The following GALNT10 variants were observed in gnomAD, a reference collection of about 807,000 sequenced individuals.
GALNT10 encodes the protein GalNAc transferase 10.
Under a neutral mutation model 75.0 loss-of-function variants are expected in GALNT10, and 41 were observed. That is an observed-to-expected ratio of 0.55 (90% CI 0.43 to 0.71). GALNT10 has a LOEUF of 0.71. GALNT10 is among the 30% of genes least tolerant of loss of function. The pLI is 0.00. For synonymous variants in GALNT10, 302 were observed against 313.0 expected, an observed-to-expected ratio of 0.96 and a Z score of 0.37; for missense variants, 727 against 818.5, an observed-to-expected ratio of 0.89 and a Z score of 1.36.
At chr5:154,213,779 G>C (rs915845593) in intron 1 of GALNT10, among the ~76,000 whole-genome samples, 1 of 152,076 alleles carries the variant, frequency 6.6e-6, no homozygotes. Context: ...CAGGGATCTT[G>C]CTATGTTGCC....
At chr5:154,264,367 T>G (rs1452705221) in intron 1 of GALNT10, among the ~76,000 whole-genome samples, 2 of 149,960 alleles carry the variant, frequency 1.3e-5, no homozygotes, top group Non-Finnish European at 3.0e-5. Flanking sequence ...GAATATGGAG[T>G]ATGTATTAGA....
intron 1 of GALNT10, among the ~76,000 whole-genome samples, chr5:154,260,633 G>T (rs567461878): frequency 2.6e-5 from 4 of 152,144 alleles, no homozygotes; most frequent in Admixed American, 6.5e-5. Flanking sequence ...CACTCTAGTT[G>T]CAGGGAATTC....
At chr5:154,387,094 A>G (rs1040739115) in intron 7 of GALNT10, 2 of 152,318 alleles carry the variant, frequency 1.3e-5, no homozygotes, top group Non-Finnish European at 2.9e-5. Flanking sequence ...CAACCTGGGA[A>G]CATGACCAGC....
intron 4 of GALNT10, chr5:154,347,046 AACT>A: frequency 2.4e-6 from 1 of 414,330 alleles, no homozygotes; most frequent in South Asian, 1.8e-5. Flanking sequence ...GAAGATCCCA[AACT>A]TAAACCATCA....
chr5:154,243,478 A>G (rs540601745), intron 1 of GALNT10, among the ~76,000 whole-genome samples: 82 of 152,298 alleles, frequency 5.4e-4, no homozygotes, highest in Middle Eastern at 3.4e-3. Flanking sequence ...AAAAGTGCCA[A>G]TATTACGTAG....
intron 1 of GALNT10, among the ~76,000 whole-genome samples, chr5:154,255,888 C>A (rs1018631161): frequency 7.1e-6 from 1 of 141,666 alleles, no homozygotes; most frequent in South Asian, 2.5e-4. Context: ...TTCCCTTCTT[C>A]CTCTCTCTCT....
chr5:154,270,696 G>A (rs1280740113), intron 1 of GALNT10, among the ~76,000 whole-genome samples: 1 of 152,148 alleles, frequency 6.6e-6, no homozygotes, highest in Non-Finnish European at 1.5e-5. Context: ...AGGGTCACTT[G>A]TGAAATTGGA....
intron 4 of GALNT10, among the ~76,000 whole-genome samples, chr5:154,368,813 G>A (rs1273671238): frequency 6.6e-6 from 1 of 152,136 alleles, no homozygotes. Context: ...ATATTTACCT[G>A]TCTATAAGTT....
In GALNT10 at chr5:154,333,789, A is replaced by T. The variant is rs1012764070; in HGVS notation, c.568+4051A>T. Among the ~76,000 whole-genome samples the T allele has an allele frequency of 4.6e-5, 7 of 152,102 alleles. No homozygotes were observed. The South Asian group carries it at 1.5e-3, about 32-fold the overall frequency. ...GCCCCCTTTTCTCAACCAATTAGGC[A>T]CCCAGCCCAGAGGAGGACTCCCACC... On this transcript the variant is annotated intron_variant, in intron 4 of 11. Transcript: ENST00000297107.
chr5:154,238,151 A>G (rs1274060115), intron 1 of GALNT10, among the ~76,000 whole-genome samples: 5 of 152,228 alleles, frequency 3.3e-5, no homozygotes, highest in African/African-American at 1.2e-4. Context: ...AACAGTTACA[A>G]CAACCCAAGG....
intron 4 of GALNT10, among the ~76,000 whole-genome samples, chr5:154,336,123 A>G (rs1754941146): frequency 6.6e-6 from 1 of 152,176 alleles, no homozygotes; most frequent in East Asian, 1.9e-4. Flanking sequence ...ACTCACAAAT[A>G]TGCACTTAAG....
intron 1 of GALNT10, among the ~76,000 whole-genome samples, chr5:154,242,580 G>A (rs891805270): frequency 3.9e-5 from 6 of 152,144 alleles, no homozygotes; most frequent in Non-Finnish European, 8.8e-5. Context: ...GGTCCCAGTG[G>A]CCAGGCAAAA....
intron 7 of GALNT10, among the ~76,000 whole-genome samples, chr5:154,390,662 C>T (rs750792900): frequency 6.6e-6 from 1 of 152,162 alleles, no homozygotes; most frequent in Non-Finnish European, 1.5e-5. Context: ...CCAGAATCAG[C>T]CTCCAAGCTC....
chr5:154,235,740 A>G (rs1753235239), intron 1 of GALNT10, among the ~76,000 whole-genome samples: 1 of 152,090 alleles, frequency 6.6e-6, no homozygotes, highest in African/African-American at 2.4e-5. Flanking sequence ...AACTTGAAAA[A>G]TTTTTGTCTA....
At chr5:154,363,263 G>T (rs1038259251) in intron 4 of GALNT10, among the ~76,000 whole-genome samples, 3 of 151,956 alleles carry the variant, frequency 2.0e-5, no homozygotes, top group African/African-American at 7.3e-5. Context: ...TCACTCAGAT[G>T]TTACATTCTG....
intron 3 of GALNT10, among the ~76,000 whole-genome samples, chr5:154,316,095 G>T (rs180680287): frequency 8.3e-4 from 126 of 152,258 alleles, no homozygotes; most frequent in African/African-American, 2.8e-3. Context: ...TTATTAGTGG[G>T]AGTTTTTAGT....
intron 4 of GALNT10, chr5:154,337,653 C>T: frequency 1.0e-6 from 1 of 992,696 alleles, no homozygotes; most frequent in South Asian, 1.3e-5. Flanking sequence ...ATCATTGTAG[C>T]TTCCATCACC....
At chr5:154,397,182 C>T (rs1341737062) in intron 7 of GALNT10, among the ~76,000 whole-genome samples, 1 of 127,250 alleles carries the variant, frequency 7.9e-6, no homozygotes, top group Non-Finnish European at 1.5e-5. Flanking sequence ...TAAAGTTGTT[C>T]TTTTCTACTT....
At chr5:154,219,214 T>C (rs1299740856) in intron 1 of GALNT10, among the ~76,000 whole-genome samples, 1 of 152,238 alleles carries the variant, frequency 6.6e-6, no homozygotes, top group African/African-American at 2.4e-5. Context: ...TGTGCCAGTC[T>C]GGGCCTCCCT....
Sources: allele counts gnomAD v4.1 joint callset (sites outside exome capture counted in the v4.1 genomes callset), GRCh38; gene constraint gnomAD v4.1.1; transcripts MANE v1.5; gene names NCBI Gene and HGNC (gene_info 2026-07-23, HGNC 2026-07-21).